Variants in SLAIN2 observed in about 807,000 individuals in gnomAD.
SLAIN2 encodes the protein SLAIN family member 2.
In SLAIN2, 31 loss-of-function variants were observed where a neutral mutation model predicts 56.6. The observed-to-expected ratio is 0.55, with a 90% CI of 0.41 to 0.74. The LOEUF is 0.74. Among genes scored for constraint, SLAIN2 ranks in the 30% least tolerant of loss-of-function variants. The pLI is 0.00. For missense variants in SLAIN2, 777 were observed against 754.2 expected, an observed-to-expected ratio of 1.03 and a Z score of -0.35; for synonymous variants, 317 against 284.9, an observed-to-expected ratio of 1.11 and a Z score of -1.13.
At chr4:48,383,169 A>C (rs1160570922) in intron 5 of SLAIN2, among the ~76,000 whole-genome samples, 1 of 42,896 alleles carries the variant, frequency 2.3e-5, no homozygotes, top group Non-Finnish European at 4.0e-5. Context: ...TCCTGTTTTC[A>C]AAAAAAAAAA....
intron 1 of SLAIN2, among the ~76,000 whole-genome samples, chr4:48,342,589 G>A (rs866826886): frequency 1.6e-4 from 24 of 152,200 alleles, no homozygotes; most frequent in Middle Eastern, 3.4e-3. Flanking sequence ...CTACGTCTAT[G>A]CAGCGGTTGG....
intron 6 of SLAIN2, among the ~76,000 whole-genome samples, chr4:48,411,108 GTA>G (rs1247321978): frequency 6.6e-6 from 1 of 152,156 alleles, no homozygotes; most frequent in African/African-American, 2.4e-5. Flanking sequence ...GAGTGTGTGT[GTA>G]TGTGTGTGTG....
intron 1 of SLAIN2, among the ~76,000 whole-genome samples, chr4:48,346,257 T>A (rs1230494169): frequency 2.6e-5 from 4 of 152,232 alleles, no homozygotes; most frequent in Admixed American, 6.5e-5. Flanking sequence ...TCTTTAGAAG[T>A]CACCATATTT....
intron 6 of SLAIN2, chr4:48,387,245 A>G (rs1716124877): frequency 2.6e-5 from 4 of 152,202 alleles, no homozygotes; most frequent in Admixed American, 1.3e-4. Flanking sequence ...AAAAATGTTA[A>G]TAGAAATAAT....
At chr4:48,391,590 A>G (rs1038156351) in intron 6 of SLAIN2, among the ~76,000 whole-genome samples, 3 of 152,014 alleles carry the variant, frequency 2.0e-5, no homozygotes, top group African/African-American at 7.2e-5. Flanking sequence ...CTTATTGCCT[A>G]CTCTTGGGGA....
intron 6 of SLAIN2, among the ~76,000 whole-genome samples, chr4:48,413,625 T>A (rs1461387089): frequency 2.0e-5 from 3 of 152,238 alleles, no homozygotes; most frequent in Non-Finnish European, 4.4e-5. Context: ...GACAAGGAGA[T>A]ATTTTTGTCC....
In SLAIN2 at chr4:48,342,201, T is replaced by C. The variant is rs973987176; in HGVS notation, c.389+73T>C. The C allele has an allele frequency of 5.3e-6, 7 of 1,323,390 alleles. No individual in the cohort carries two copies. The African/African-American group carries it at 1.1e-4, about 20-fold the overall frequency. The allele number at this position is 1,323,390 out of a possible 1,614,324, so 82.0% of individuals were successfully genotyped here. On this transcript the variant is annotated intron_variant, in intron 1 of 7. Coordinates refer to ENST00000264313, the MANE Select transcript of SLAIN2 (RefSeq NM_020846.2). ...GCGGAGAGCGTCCTCTGAGGGTCCC[T>C]CTGGTCGGGCGCCTCGCTTTGTGTA...
At chr4:48,405,248 A>G (rs1270423336) in intron 6 of SLAIN2, among the ~76,000 whole-genome samples, 1 of 152,184 alleles carries the variant, frequency 6.6e-6, no homozygotes, top group Non-Finnish European at 1.5e-5. Flanking sequence ...CTGCTTCCAA[A>G]CACAACCCTC....
intron 1 of SLAIN2, among the ~76,000 whole-genome samples, chr4:48,359,922 G>A (rs1052026465): frequency 2.6e-5 from 4 of 152,218 alleles, no homozygotes; most frequent in African/African-American, 9.6e-5. Flanking sequence ...TTGAGAGGCT[G>A]AGGTGGGTGG....
intron 2 of SLAIN2, among the ~76,000 whole-genome samples, chr4:48,370,997 C>T (rs1715647574): frequency 6.6e-6 from 1 of 152,008 alleles, no homozygotes; most frequent in African/African-American, 2.4e-5. Context: ...ATGCAAATAA[C>T]TTACGGGATG....
At chr4:48,381,276 C>A (rs971045466) in intron 4 of SLAIN2, among the ~76,000 whole-genome samples, 2 of 152,032 alleles carry the variant, frequency 1.3e-5, no homozygotes, top group African/African-American at 4.8e-5. Flanking sequence ...TCTAAGCCAT[C>A]CACATGCATG....
chr4:48,418,881 GTT>G (rs1302542442), intron 6 of SLAIN2, among the ~76,000 whole-genome samples: 5 of 152,106 alleles, frequency 3.3e-5, no homozygotes, highest in African/African-American at 1.2e-4. Flanking sequence ...CACACGGACT[GTT>G]TTGTGTCTGG....
At chr4:48,379,656 A>C (rs923889494) in intron 3 of SLAIN2, 34 bp from the exon 4 acceptor site, 2 of 1,365,036 alleles carry the variant, frequency 1.5e-6, no homozygotes, top group Non-Finnish European at 1.9e-6. Flanking sequence ...TTGCTTTACC[A>C]GAGTTTGAAT....
chr4:48,359,042 TTATTA>T (rs1315635570), intron 1 of SLAIN2, among the ~76,000 whole-genome samples: 1 of 152,188 alleles, frequency 6.6e-6, no homozygotes, highest in African/African-American at 2.4e-5. Context: ...AGATAAACTT[TTATTA>T]AAGTTTTTTT....
chr4:48,359,012 C>T lies in SLAIN2; in HGVS notation c.390-10837C>T, dbSNP rs576020536. 1.2e-4 allele frequency among the ~76,000 whole-genome samples: 18 copies of T among 152,222 alleles called. No homozygotes were observed. In the East Asian group the frequency reaches 2.3e-3, roughly 20 times the overall value. On this transcript the variant is annotated intron_variant, in intron 1 of 7. Transcript: ENST00000264313. ...CTGGGATTACAGGCATGAGCCACCA[C>T]GCCCAGCCTAAAGATAATAAGATAA...
intron 6 of SLAIN2, among the ~76,000 whole-genome samples, chr4:48,406,369 GA>G (rs1457557779): frequency 6.6e-6 from 1 of 152,018 alleles, no homozygotes; most frequent in Non-Finnish European, 1.5e-5. Flanking sequence ...CTCTCATCCT[GA>G]GAATCTTATT....
At chr4:48,370,967 T>A (rs774773123) in intron 2 of SLAIN2, among the ~76,000 whole-genome samples, 1 of 152,180 alleles carries the variant, frequency 6.6e-6, no homozygotes, top group Non-Finnish European at 1.5e-5. Context: ...TATTTGGTGA[T>A]AAGGGGTAGT....
At chr4:48,354,323 C>T (rs1490289773) in intron 1 of SLAIN2, among the ~76,000 whole-genome samples, 1 of 151,990 alleles carries the variant, frequency 6.6e-6, no homozygotes, top group Non-Finnish European at 1.5e-5. Flanking sequence ...GGTGATTAAA[C>T]TGTTGTAAGT....
chr4:48,347,197 C>A (rs1452589814), intron 1 of SLAIN2, among the ~76,000 whole-genome samples: 1 of 150,286 alleles, frequency 6.7e-6, no homozygotes, highest in Non-Finnish European at 1.5e-5. Context: ...TTTTATATGC[C>A]AAGCATTTTG....
Sources: gnomAD v4.1 joint callset for allele counts (sites outside exome capture counted in the v4.1 genomes callset) on GRCh38, gnomAD v4.1.1 for gene constraint, MANE v1.5 for transcripts, NCBI Gene and HGNC (gene_info 2026-07-23, HGNC 2026-07-21) for gene names.